The following PLXNA4 variants were observed in gnomAD, a reference collection of about 807,000 sequenced individuals.
PLXNA4 encodes plexin A4, also known as plexin-A4.
In PLXNA4, 44 loss-of-function variants were observed where a neutral mutation model predicts 191.8. That is an observed-to-expected ratio of 0.23 (90% CI 0.18 to 0.29). PLXNA4 has a LOEUF of 0.29. Ranked by LOEUF, PLXNA4 falls within the 10% of genes least tolerant of loss-of-function variation. The pLI, the probability that PLXNA4 is intolerant of heterozygous loss-of-function variation, is 1.00. For synonymous variants in PLXNA4, 1,082 were observed against 1,009.5 expected, an observed-to-expected ratio of 1.07 and a Z score of -1.36; for missense variants, 1,800 against 2,488.8, an observed-to-expected ratio of 0.72 and a Z score of 5.89.
chr7:132,260,502 C>G (rs1236991184), intron 4 of PLXNA4, among the ~76,000 whole-genome samples: 4 of 151,936 alleles, frequency 2.6e-5, no homozygotes, highest in African/African-American at 9.7e-5. Flanking sequence ...CAACAGACGC[C>G]AGGGAGTACT....
At chr7:132,590,028 G>T (rs1325945609) in intron 2 of PLXNA4, among the ~76,000 whole-genome samples, 1 of 152,252 alleles carries the variant, frequency 6.6e-6, no homozygotes, top group Non-Finnish European at 1.5e-5. Context: ...AAGGGTCAAT[G>T]TGGGTAGAAC....
intron 3 of PLXNA4, among the ~76,000 whole-genome samples, chr7:132,430,244 A>G (rs906707127): frequency 3.9e-5 from 6 of 152,186 alleles, no homozygotes; most frequent in African/African-American, 1.4e-4. Context: ...ACAGGATATC[A>G]GACACATACA....
rs144131408 is a variant in PLXNA4, at chr7:132,498,629, C to G, written c.1188+8877G>C. ...ATGAGAGTATGCATGGGAAAAAACA[C>G]GGTATATATGGGGTTTGGGACTATC... On this transcript the variant is annotated intron_variant, in intron 2 of 31. Transcript: ENST00000321063. Among the ~76,000 whole-genome samples, 58 of 152,004 alleles carry G rather than the reference C, an allele frequency of 3.8e-4. 1 individual carries two copies. Among genetic ancestry groups the G allele is most frequent in the Admixed American group, 6.6e-5 (1 of 15,248 alleles).
intron 3 of PLXNA4, among the ~76,000 whole-genome samples, chr7:132,350,605 C>T (rs775479216): frequency 5.9e-5 from 9 of 152,306 alleles, no homozygotes; most frequent in South Asian, 2.1e-4. Flanking sequence ...ATTTCCCACC[C>T]GCTGGGATGG....
intron 25 of PLXNA4, among the ~76,000 whole-genome samples, chr7:132,150,881 C>G (rs912210434): frequency 6.6e-6 from 1 of 152,216 alleles, no homozygotes; most frequent in Non-Finnish European, 1.5e-5. Context: ...CAGTGCACAG[C>G]CTGGGCGGCC....
intron 3 of PLXNA4, among the ~76,000 whole-genome samples, chr7:132,378,068 CCCAA>C: frequency 6.6e-6 from 1 of 152,174 alleles, no homozygotes; most frequent in Middle Eastern, 3.2e-3. Context: ...ACCCACCCCA[CCCAA>C]CCATCACACT....
In PLXNA4 at chr7:132,412,325, T is replaced by C. The variant is rs149082387; in HGVS notation, c.1371+76967A>G. Reference sequence around the variant, plus strand: ...AAGTTGCTAGATGAAATGGTATGCCTACTATGCTCCAAGCATGCTTCCCAT... The same window carrying C: ...AAGTTGCTAGATGAAATGGTATGCCCACTATGCTCCAAGCATGCTTCCCAT... On this transcript the variant is annotated intron_variant, in intron 3 of 31. Transcript: ENST00000321063. 3.5e-3 allele frequency among the ~76,000 whole-genome samples: 537 copies of C among 152,352 alleles called. 3 individuals carry two copies. Among genetic ancestry groups the C allele is most frequent in the Non-Finnish European group, 5.0e-3 (338 of 68,042 alleles).
chr7:132,289,160 T>C (rs923123901), intron 4 of PLXNA4, among the ~76,000 whole-genome samples: 8 of 152,198 alleles, frequency 5.3e-5, no homozygotes, highest in African/African-American at 1.9e-4. Flanking sequence ...TCACTATCTT[T>C]CAATTTCACA....
chr7:132,637,130 C>A (rs144545828), intron 2 of PLXNA4, among the ~76,000 whole-genome samples: 1 of 152,194 alleles, frequency 6.6e-6, no homozygotes, highest in Admixed American at 6.5e-5. Flanking sequence ...ATTCTCTTGG[C>A]TCTCAGCTCC....
At chr7:132,644,252 C>A (rs1359858458) in intron 2 of PLXNA4, among the ~76,000 whole-genome samples, 1 of 152,320 alleles carries the variant, frequency 6.6e-6, no homozygotes, top group African/African-American at 2.4e-5. Context: ...GCAACGCCCA[C>A]CTCATGGGAC....
At chr7:132,282,948 C>G (rs1320643562) in intron 4 of PLXNA4, among the ~76,000 whole-genome samples, 2 of 152,072 alleles carry the variant, frequency 1.3e-5, no homozygotes, top group African/African-American at 4.8e-5. Flanking sequence ...ACCATCACAG[C>G]TCACTGCAGC....
chr7:132,514,063 T>A (rs1798843743), intron 1 of PLXNA4, among the ~76,000 whole-genome samples: 1 of 151,808 alleles, frequency 6.6e-6, no homozygotes, highest in Non-Finnish European at 1.5e-5. Context: ...AGACTTTTTT[T>A]TTTTTTGAGA....
At chr7:132,279,003 A>G (rs931631289) in intron 4 of PLXNA4, among the ~76,000 whole-genome samples, 3 of 152,198 alleles carry the variant, frequency 2.0e-5, no homozygotes, top group Non-Finnish European at 4.4e-5. Context: ...GTCTCTTGCA[A>G]ACTGCAGGTG....
intron 31 of PLXNA4, among the ~76,000 whole-genome samples, 190 bp from the exon 32 acceptor site, chr7:132,130,764 T>C (rs952710959): frequency 2.6e-5 from 4 of 152,086 alleles, no homozygotes; most frequent in Non-Finnish European, 5.9e-5. Context: ...AGGCATAGCA[T>C]GTGAGCATCA....
intron 3 of PLXNA4, among the ~76,000 whole-genome samples, chr7:132,475,771 C>T (rs1244055941): frequency 6.6e-6 from 1 of 152,130 alleles, no homozygotes; most frequent in African/African-American, 2.4e-5. Context: ...AAAAAAGCAA[C>T]CGGGAGACTG....
At chr7:132,375,124 T>C (rs1804605012) in intron 3 of PLXNA4, among the ~76,000 whole-genome samples, 1 of 152,190 alleles carries the variant, frequency 6.6e-6, no homozygotes, top group African/African-American at 2.4e-5. Flanking sequence ...AGACAGACAC[T>C]TTAGCTGGGA....
At chr7:132,293,958 T>G (rs1466454799) in intron 4 of PLXNA4, among the ~76,000 whole-genome samples, 2 of 152,208 alleles carry the variant, frequency 1.3e-5, no homozygotes, top group Admixed American at 6.5e-5. Context: ...ATTTGAGTGT[T>G]TATTAGGTGT....
At chr7:132,389,754 CT>C (rs1161034506) in intron 3 of PLXNA4, among the ~76,000 whole-genome samples, 1 of 152,140 alleles carries the variant, frequency 6.6e-6, no homozygotes, top group Non-Finnish European at 1.5e-5. Context: ...TATGTGGGCT[CT>C]TTTTTGATTC....
chr7:132,581,531 G>A (rs1802402222), upstream of PLXNA4, among the ~76,000 whole-genome samples: 1 of 152,156 alleles, frequency 6.6e-6, no homozygotes, highest in Admixed American at 6.5e-5. Flanking sequence ...TTCACCACAA[G>A]TACCCTCTTG....
Sources: gnomAD v4.1 joint callset for allele counts (sites outside exome capture counted in the v4.1 genomes callset) on GRCh38, gnomAD v4.1.1 for gene constraint, MANE v1.5 for transcripts, NCBI Gene and HGNC (gene_info 2026-07-23, HGNC 2026-07-21) for gene names.